SH3YL1: variants seen among roughly 807,000 people sequenced by gnomAD.
SH3YL1 encodes SH3 domain-containing YSC84-like protein 1.
SH3YL1 carries 41 observed loss-of-function variants against 45.8 expected under a neutral mutation model. The observed-to-expected ratio is 0.89, with a 90% CI of 0.70 to 1.16. SH3YL1 has a LOEUF of 1.16. SH3YL1 is among the 50% of genes most tolerant of loss of function. The pLI is 0.00. For missense variants in SH3YL1, 389 were observed against 409.6 expected (o/e 0.95, Z 0.43); for synonymous variants, 152 against 151.4 (o/e 1.00, Z -0.03).
chr2:257,840 A>C (rs1394093486), intron 1 of SH3YL1, among the ~76,000 whole-genome samples: 1 of 152,238 alleles, frequency 6.6e-6, no homozygotes, highest in Non-Finnish European at 1.5e-5. Flanking sequence ...ATATGGTATA[A>C]GGAAGGGGTC....
chr2:247,318 C>T (rs989405116), intron 4 of SH3YL1, among the ~76,000 whole-genome samples: 8 of 151,826 alleles, frequency 5.3e-5, no homozygotes, highest in Non-Finnish European at 7.4e-5. Flanking sequence ...GATAAAATGG[C>T]GAATGAAAGA....
intron 2 of SH3YL1, among the ~76,000 whole-genome samples, chr2:252,744 T>C (rs561405097): frequency 2.7e-4 from 41 of 152,330 alleles, no homozygotes; most frequent in African/African-American, 9.6e-4. Context: ...CCAAAGTTAA[T>C]TGGCATTTGG....
chr2:224,499 T>C (rs918325457), intron 9 of SH3YL1, among the ~76,000 whole-genome samples: 2 of 152,212 alleles, frequency 1.3e-5, no homozygotes, highest in African/African-American at 4.8e-5. Context: ...GGAGATCACA[T>C]GCTCCTCAGA....
intron 2 of SH3YL1, among the ~76,000 whole-genome samples, chr2:250,609 A>G (rs1012974959): frequency 6.6e-6 from 1 of 152,240 alleles, no homozygotes; most frequent in African/African-American, 2.4e-5. Flanking sequence ...CCTAACATAT[A>G]ACTTTAAGGT....
At chr2:238,475 C>T (rs1370642785) in intron 4 of SH3YL1, among the ~76,000 whole-genome samples, 1 of 152,166 alleles carries the variant, frequency 6.6e-6, no homozygotes, top group Non-Finnish European at 1.5e-5. Flanking sequence ...AACCCAAATA[C>T]CTTCCTCTTC....
chr2:229,936 C>T, intron 8 of SH3YL1, 30 bp downstream of exon 8: 1 of 1,536,898 alleles, frequency 6.5e-7, no homozygotes, highest in African/African-American at 1.4e-5. Flanking sequence ...TTAATTACAA[C>T]TGTATTTGAA....
intron 1 of SH3YL1, among the ~76,000 whole-genome samples, chr2:257,996 C>T (rs535722403): frequency 2.6e-5 from 4 of 152,122 alleles, no homozygotes; most frequent in African/African-American, 9.6e-5. Context: ...GCTCTCGATT[C>T]TGTTCATTGT....
intron 8 of SH3YL1, among the ~76,000 whole-genome samples, chr2:228,655 C>T (rs1339823349): frequency 1.3e-5 from 2 of 152,136 alleles, no homozygotes; most frequent in Non-Finnish European, 2.9e-5. Context: ...ATATGAGTTT[C>T]AGTAAATCAA....
intron 4 of SH3YL1, among the ~76,000 whole-genome samples, chr2:239,292 C>T (rs551634557): frequency 1.3e-5 from 2 of 152,258 alleles, no homozygotes; most frequent in Non-Finnish European, 2.9e-5. Context: ...TAGCATCTCC[C>T]CAGATATTCT....
At chr2:259,727 T>A (rs889594288) in intron 1 of SH3YL1, 1 of 151,256 alleles carries the variant, frequency 6.6e-6, no homozygotes, top group Non-Finnish European at 1.5e-5. Context: ...AAATTTAGTA[T>A]ATAATAAAAA....
chr2:240,535 T>A lies in SH3YL1; in HGVS notation c.292-6263A>T, dbSNP rs932355205. On this transcript the variant is annotated intron_variant, in intron 4 of 9. Coordinates refer to ENST00000356150, the MANE Select transcript of SH3YL1 (RefSeq NM_015677.4). ...AAACCATTGGTGGTCTAGAAAATTA[T>A]CAGGGAGAACCAGGGACAGAGATAG... 32 of 152,214 alleles carry A rather than the reference T, an allele frequency of 2.1e-4. 1 individual carries two copies. The highest frequency in any genetic ancestry group is 7.2e-4 in the African/African-American group (30 of 41,432). 9.4% of individuals were successfully genotyped at this position (152,214 alleles called of 1,614,324 possible).
At chr2:264,077 G>A (rs1051338894), upstream of SH3YL1, 19 of 1,342,200 alleles carry the variant, frequency 1.4e-5, no homozygotes, top group African/African-American at 3.1e-5. Flanking sequence ...CCCCAGCGAG[G>A]GCGTACCTGC....
At chr2:221,878 A>G (rs1259348098) in intron 9 of SH3YL1, among the ~76,000 whole-genome samples, 4 of 152,196 alleles carry the variant, frequency 2.6e-5, no homozygotes, top group Non-Finnish European at 2.9e-5. Context: ...GTGCCCTGTT[A>G]GTTTTTTTCT....
intron 4 of SH3YL1, chr2:243,680 C>T: frequency 8.8e-7 from 1 of 1,132,046 alleles, no homozygotes; most frequent in South Asian, 1.9e-5. Context: ...CCTTCTTTCC[C>T]TTAGTACCTT....
intron 8 of SH3YL1, among the ~76,000 whole-genome samples, chr2:227,539 T>C (rs1667836175): frequency 6.6e-6 from 1 of 151,310 alleles, no homozygotes; most frequent in Non-Finnish European, 1.5e-5. Context: ...CTACGCGGAG[T>C]TGTTGAGCAA....
Position 224,321 on chromosome 2 carries a change from T to G in SH3YL1, c.838+543A>C, listed in dbSNP as rs534374650. 2.6e-5 allele frequency among the ~76,000 whole-genome samples: 4 copies of G among 152,246 alleles called. No individual in the cohort carries two copies. In the South Asian group the frequency reaches 8.3e-4, roughly 32 times the overall value. On this transcript the variant is annotated intron_variant, in intron 9 of 9. Coordinates refer to ENST00000356150, the MANE Select transcript of SH3YL1 (RefSeq NM_015677.4). ...ACAAGTTTTATAAAGTAGTTTCCAG[T>G]AATAACAAAACATTTGAATGTGAAA...
chr2:249,545 G>A (rs1668981831), intron 3 of SH3YL1, among the ~76,000 whole-genome samples, 186 bp downstream of exon 3: 2 of 152,196 alleles, frequency 1.3e-5, no homozygotes, highest in Admixed American at 6.5e-5. Flanking sequence ...AGAGAGAGAC[G>A]GAAAGGCTGG....
intron 1 of SH3YL1, among the ~76,000 whole-genome samples, chr2:254,795 C>G (rs541140044): frequency 6.6e-6 from 1 of 152,310 alleles, no homozygotes; most frequent in South Asian, 2.1e-4. Flanking sequence ...CATCCCTCTG[C>G]TCACGTGAGA....
rs551667491 is a variant in SH3YL1 at position 238,157 on chromosome 2, C to T, written c.292-3885G>A. Among the ~76,000 whole-genome samples the T allele has an allele frequency of 9.2e-5, 14 of 152,276 alleles. No individual in the cohort carries two copies. In the East Asian group the frequency reaches 2.1e-3, roughly 23 times the overall value. On this transcript the variant is annotated intron_variant, in intron 4 of 9. Transcript: ENST00000356150. ...CGCTAAGAAAGCTGGGCTTCCTCCTCCACCCTGCCGTTCTCTCACGCCACT... is the reference window on the plus strand; with the variant it reads ...CGCTAAGAAAGCTGGGCTTCCTCCTTCACCCTGCCGTTCTCTCACGCCACT...
Sources: allele counts gnomAD v4.1 joint callset (sites outside exome capture counted in the v4.1 genomes callset), GRCh38; gene constraint gnomAD v4.1.1; transcripts MANE v1.5; gene names NCBI Gene and HGNC (gene_info 2026-07-23, HGNC 2026-07-21).